KPNA5: variants seen among roughly 807,000 people sequenced by gnomAD.
KPNA5 encodes importin subunit alpha-6.
In KPNA5, 46 loss-of-function variants were observed where a neutral mutation model predicts 71.3. The ratio of observed to expected loss-of-function variants is 0.65; its 90% CI spans 0.51 to 0.83. The LOEUF (loss-of-function observed/expected upper bound fraction) is 0.83, where lower values mean the gene tolerates loss of function less well. Among genes scored for constraint, KPNA5 ranks in the 40% least tolerant of loss-of-function variants. KPNA5 has a pLI of 0.00. For missense variants in KPNA5, 547 were observed against 628.3 expected, an observed-to-expected ratio of 0.87 and a Z score of 1.38; for synonymous variants, 207 against 201.4, an observed-to-expected ratio of 1.03 and a Z score of -0.24.
In KPNA5 at chr6:116,737,207, G is replaced by A. The variant is rs972239201; in HGVS notation, c.*4884G>A. On this transcript the variant is annotated 3_prime_UTR_variant, in exon 14 of 14. Coordinates refer to ENST00000368564, the MANE Select transcript of KPNA5 (RefSeq NM_001366306.2). ...AGAACAACGTTTATTTTACTGCTGA[G>A]TCAGTACCATTCCGAGTACTCTATT... 1 of 151,942 alleles carries A rather than the reference G, an allele frequency of 6.6e-6. No individual in the cohort carries two copies. The highest frequency in any genetic ancestry group is 2.4e-5 in the African/African-American group (1 of 41,394). 9.4% of individuals were successfully genotyped at this position (151,942 alleles called of 1,614,324 possible). A position where few individuals can be genotyped will look rare whatever the true frequency, so the allele number is the denominator to read the frequency against.
rs750714483 is a variant in KPNA5, at chr6:116,729,579, G to T, written c.1270G>T (p.Gly424Cys). The T allele has an allele frequency of 1.3e-6, 2 of 1,570,878 alleles. No individual in the cohort carries two copies. The highest frequency in any genetic ancestry group is 1.7e-6 in the Non-Finnish European group (2 of 1,157,520). Residue 424 changes from glycine to cysteine, a missense_variant, in exon 13 of 14, where the codon GGC (glycine) becomes TGC (cysteine). Gly to Cys is a radical substitution (Grantham distance 159, BLOSUM62 -3). Coordinates refer to ENST00000368564, the MANE Select transcript of KPNA5 (RefSeq NM_001366306.2). ...AATCTGAAGGTATTTGGTAGCTTTAGGCTGCATTAAACCACTTTGTGATCT... is the reference window on the plus strand; with the variant it reads ...AATCTGAAGGTATTTGGTAGCTTTATGCTGCATTAAACCACTTTGTGATCT... Reference protein sequence around the residue: ...PEQIRYLVALGCIKPLCDLLT... With the variant: ...PEQIRYLVALCCIKPLCDLLT...
rs976867767 is a variant in KPNA5 at position 116,685,338 on chromosome 6, A to G, written c.5-3982A>G. ...GGGCACATGTGCAAGCTTGTTGTATAGGTAAACTCGTGTCATGGGTGTTGT... is the reference window on the plus strand; with the variant it reads ...GGGCACATGTGCAAGCTTGTTGTATGGGTAAACTCGTGTCATGGGTGTTGT... On this transcript the variant is annotated intron_variant, in intron 1 of 13. Transcript: ENST00000368564. Among the ~76,000 whole-genome samples the G allele has an allele frequency of 2.6e-5, 4 of 152,188 alleles. 1 individual carries two copies. The South Asian group carries it at 8.3e-4, about 32-fold the overall frequency.
At chr6:116,694,331 A>G (rs1490221799) in intron 4 of KPNA5, among the ~76,000 whole-genome samples, 2 of 152,162 alleles carry the variant, frequency 1.3e-5, no homozygotes, top group Non-Finnish European at 2.9e-5. Context: ...CTTGGGCAGT[A>G]TAGCCATTTT....
intron 7 of KPNA5, among the ~76,000 whole-genome samples, chr6:116,709,737 C>T (rs1677416848): frequency 6.6e-6 from 1 of 151,688 alleles, no homozygotes; most frequent in African/African-American, 2.4e-5. Context: ...TGATAAATGC[C>T]CTTTATCCTG....
rs532012006 is a variant in KPNA5, at chr6:116,736,296, A to G, written c.*3973A>G. On this transcript the variant is annotated 3_prime_UTR_variant, in exon 14 of 14. Transcript: ENST00000368564. ...GTGAAAGAAACCAGATTCCATTTAT[A>G]TGAAGTGTTCGGAATAGACAAATCT... The G allele has an allele frequency of 5.9e-5, 9 of 152,134 alleles. 1 individual carries two copies. The South Asian group carries it at 1.2e-3, about 21-fold the overall frequency. The allele number at this position is 152,134 out of a possible 1,614,324, so 9.4% of individuals were successfully genotyped here.
At chr6:116,720,995 G>A (rs1779084035) in intron 8 of KPNA5, among the ~76,000 whole-genome samples, 1 of 152,164 alleles carries the variant, frequency 6.6e-6, no homozygotes, top group Non-Finnish European at 1.5e-5. Context: ...GTGTACATGA[G>A]TCCTAGGGTC....
intron 2 of KPNA5, among the ~76,000 whole-genome samples, chr6:116,691,110 T>A (rs1777785383): frequency 6.6e-6 from 1 of 152,118 alleles, no homozygotes; most frequent in Non-Finnish European, 1.5e-5. Context: ...ACGCCTATAA[T>A]CCCAGCTACT....
In KPNA5 at chr6:116,734,760, A is replaced by T. The variant is rs923779569; in HGVS notation, c.*2437A>T. 3 of 151,310 alleles carry T rather than the reference A, an allele frequency of 2.0e-5. No homozygotes were observed. The highest frequency in any genetic ancestry group is 4.4e-5 in the Non-Finnish European group (3 of 67,592). 9.4% of individuals were successfully genotyped at this position (151,310 alleles called of 1,614,324 possible). A position where few individuals can be genotyped will look rare whatever the true frequency, so the allele number is the denominator to read the frequency against. ...AGAAAGAAAAGAAAAAAATAAATAA[A>T]ATGCTCCAAAAAGTGTTTTCAGTAG... On this transcript the variant is annotated 3_prime_UTR_variant, in exon 14 of 14. Coordinates refer to ENST00000368564, the MANE Select transcript of KPNA5 (RefSeq NM_001366306.2).
chr6:116,707,175 AT>A lies in KPNA5; in HGVS notation c.656+2016del, dbSNP rs1417607130. 7.9e-5 allele frequency among the ~76,000 whole-genome samples: 12 copies of A among 152,148 alleles called. 1 individual carries two copies. In the East Asian group the frequency reaches 9.6e-4, roughly 12 times the overall value. On this transcript the variant is annotated intron_variant, in intron 7 of 13. Transcript: ENST00000368564. The stretch of plus-strand genomic sequence containing the variant: ...CGAGAGACTGTCTCAAAAAAAAAAA[AT>A]GATTATGCATTATTTGTTGTTCACA...
chr6:116,712,204 G>GTGC (rs1345187231), intron 7 of KPNA5, among the ~76,000 whole-genome samples: 3 of 152,182 alleles, frequency 2.0e-5, no homozygotes, highest in African/African-American at 7.2e-5. Flanking sequence ...GCCTCCCAAA[G>GTGC]TGCTGGGATT....
chr6:116,700,794 A>G (rs1324714988), intron 5 of KPNA5, among the ~76,000 whole-genome samples: 1 of 152,218 alleles, frequency 6.6e-6, no homozygotes. Flanking sequence ...GTTGTCAGAT[A>G]GTTAAAAATG....
intron 12 of KPNA5, among the ~76,000 whole-genome samples, chr6:116,729,159 G>A (rs1779387011): frequency 2.3e-4 from 1 of 4,354 alleles, no homozygotes; most frequent in Non-Finnish European, 3.7e-4. Flanking sequence ...TATGACCTCC[G>A]TGTGTGTGTG....
Position 116,729,718 on chromosome 6 carries a change from G to A in KPNA5, c.1409G>A (p.Cys470Tyr). The A allele has an allele frequency of 1.3e-6, 2 of 1,566,660 alleles. No individual in the cohort carries two copies. Among genetic ancestry groups the A allele is most frequent in the South Asian group, 1.2e-5 (1 of 82,390 alleles). ...KQNGIGINPYCALIEEAYGLD... is the reference protein window; with the variant it reads ...KQNGIGINPYYALIEEAYGLD... Reference sequence around the variant, plus strand: ...AATGGAATAGGCATTAATCCATACTGTGCTCTCATTGAAGAAGCATATGGT... The same window carrying A: ...AATGGAATAGGCATTAATCCATACTATGCTCTCATTGAAGAAGCATATGGT... The change falls in exon 13 of 14, where the codon TGT (cysteine) becomes TAT (tyrosine). Residue 470 changes from cysteine to tyrosine, a missense_variant. Coordinates refer to ENST00000368564, the MANE Select transcript of KPNA5 (RefSeq NM_001366306.2).
At chr6:116,692,638 C>A (rs1343067678) in intron 4 of KPNA5, among the ~76,000 whole-genome samples, 1 of 151,860 alleles carries the variant, frequency 6.6e-6, no homozygotes, top group East Asian at 1.9e-4. Flanking sequence ...AAAGATTAAT[C>A]CTGCTGCCAA....
intron 2 of KPNA5, among the ~76,000 whole-genome samples, chr6:116,690,381 GCCCTGGCTCA>G (rs1777750526): frequency 6.6e-6 from 1 of 152,192 alleles, no homozygotes; most frequent in African/African-American, 2.4e-5. Flanking sequence ...CAGGCTGGGA[GCCCTGGCTCA>G]CCCCTTTAAT....
intron 1 of KPNA5, among the ~76,000 whole-genome samples, chr6:116,683,963 T>C (rs1371488587): frequency 1.6e-5 from 2 of 122,026 alleles, no homozygotes; most frequent in Non-Finnish European, 3.2e-5. Context: ...CAGGCTGGAG[T>C]CCAGGCTGGA....
chr6:116,681,225 A>G lies in KPNA5; in HGVS notation c.-110A>G. The G allele has an allele frequency of 6.8e-6, 10 of 1,478,856 alleles. No individual in the cohort carries two copies. Among genetic ancestry groups the G allele is most frequent in the Non-Finnish European group, 9.3e-6 (10 of 1,070,102 alleles). 91.6% of individuals were successfully genotyped at this position (1,478,856 alleles called of 1,614,324 possible). ...AGGTGGCCGCCATCTTGGATTGCGA[A>G]CTGGGTCGCTACGCTTCACGCCAGG... is the stretch of plus-strand genomic sequence containing the variant. On this transcript the variant is annotated 5_prime_UTR_variant, in exon 1 of 14. Transcript: ENST00000368564.
intron 4 of KPNA5, among the ~76,000 whole-genome samples, chr6:116,698,327 A>G (rs1490729311): frequency 6.6e-6 from 1 of 152,056 alleles, no homozygotes; most frequent in Admixed American, 6.6e-5. Context: ...TGAAGGAGAT[A>G]TGCTTAGAAA....
intron 8 of KPNA5, among the ~76,000 whole-genome samples, chr6:116,721,920 T>G (rs1779118647): frequency 6.6e-6 from 1 of 152,196 alleles, no homozygotes; most frequent in Non-Finnish European, 1.5e-5. Context: ...AAAACAAATT[T>G]AACTACATAT....
Sources: allele counts gnomAD v4.1 joint callset (sites outside exome capture counted in the v4.1 genomes callset), GRCh38; gene constraint gnomAD v4.1.1; transcripts MANE v1.5; gene names NCBI Gene and HGNC (gene_info 2026-07-23, HGNC 2026-07-21).